The following PAX5 variants were observed in gnomAD, a reference collection of about 807,000 sequenced individuals.
The protein encoded by PAX5 is paired box protein Pax-5.
Under a neutral mutation model 43.7 loss-of-function variants are expected in PAX5, and 9 were observed. The ratio of observed to expected loss-of-function variants is 0.21; its 90% CI spans 0.12 to 0.36. The LOEUF is 0.36. Among genes scored for constraint, PAX5 ranks in the 10% least tolerant of loss-of-function variants. The probability of loss-of-function intolerance (pLI) is 1.00; values close to 1 mark genes in which losing one functional copy is unlikely to be tolerated. For missense variants in PAX5, 383 were observed against 532.7 expected, an observed-to-expected ratio of 0.72 and a Z score of 2.77; for synonymous variants, 228 against 214.3, an observed-to-expected ratio of 1.06 and a Z score of -0.56.
At chr9:36,997,824 C>A (rs1027752586) in intron 5 of PAX5, among the ~76,000 whole-genome samples, 17 of 152,336 alleles carry the variant, frequency 1.1e-4, no homozygotes, top group African/African-American at 3.8e-4. Flanking sequence ...TGATTTGTGG[C>A]CCCTGCCCTG....
In PAX5 at chr9:36,987,593, C is replaced by T. The variant is rs564346974; in HGVS notation, c.604+15055G>A. ...TGCCAAGCCAGGACTCCAAGCCCCG[C>T]CTTGAAGGCCTTGAACGAGATGGCT... is the stretch of plus-strand genomic sequence containing the variant. On this transcript the variant is annotated intron_variant, in intron 5 of 9. Coordinates refer to ENST00000358127, the MANE Select transcript of PAX5 (RefSeq NM_016734.3). 2.2e-4 allele frequency among the ~76,000 whole-genome samples: 33 copies of T among 152,316 alleles called. 1 individual carries two copies. In the South Asian group the frequency reaches 6.6e-3, roughly 31 times the overall value.
At chr9:36,970,674 G>A (rs1044144652) in intron 5 of PAX5, among the ~76,000 whole-genome samples, 6 of 152,110 alleles carry the variant, frequency 3.9e-5, no homozygotes, top group Admixed American at 6.5e-5. Flanking sequence ...CTGTTCAGCC[G>A]CAGGTGATTC....
chr9:36,991,733 T>C (rs1836960702), intron 5 of PAX5, among the ~76,000 whole-genome samples: 1 of 152,134 alleles, frequency 6.6e-6, no homozygotes, highest in Non-Finnish European at 1.5e-5. Flanking sequence ...GGACAGCAAC[T>C]AAGCTGTCCT....
intron 6 of PAX5, among the ~76,000 whole-genome samples, chr9:36,929,235 G>GAGGAAGGAAGGAAGGAAGGA (rs56223123): frequency 2.2e-5 from 3 of 134,354 alleles, no homozygotes; most frequent in African/African-American, 8.5e-5. Context: ...AGGAAGGAAG[G>GAGGAAGGAAGGAAGGAAGGA]AGGAAGGAAG....
At chr9:36,925,513 C>T (rs972574480) in intron 6 of PAX5, among the ~76,000 whole-genome samples, 5 of 151,956 alleles carry the variant, frequency 3.3e-5, no homozygotes, top group African/African-American at 9.7e-5. Context: ...CATATGGAAC[C>T]GTGATATATG....
chr9:36,905,714 G>C (rs934181695), intron 7 of PAX5, among the ~76,000 whole-genome samples: 1 of 152,038 alleles, frequency 6.6e-6, no homozygotes. Flanking sequence ...GGATAGGAGA[G>C]GGAAAAAAAA....
In PAX5 at chr9:36,966,702, C is replaced by G; in HGVS notation, c.627G>C (p.Pro209=). 2 of 1,614,136 alleles carry G rather than the reference C, an allele frequency of 1.2e-6. No individual in the cohort carries two copies. Among genetic ancestry groups the G allele is most frequent in the Non-Finnish European group, 1.7e-6 (2 of 1,180,010 alleles). The change falls in exon 6 of 10, where the codon CCG becomes CCC. Residue 209 remains proline, a synonymous_variant. Transcript: ENST00000358127. ...RDEGIQESPV[P]NGHSLPGRDF... is the part of the protein sequence containing the mutation. ...CTCTGCCCGGAAGCGAGTGGCCGTT[C>G]GGCACCGGAGACTCCTGAATACCTT...
chr9:37,029,156 C>T (rs1355465006), intron 1 of PAX5, among the ~76,000 whole-genome samples: 2 of 152,252 alleles, frequency 1.3e-5, no homozygotes, highest in Non-Finnish European at 2.9e-5. Flanking sequence ...GAGATGCCTG[C>T]TCCAGGACTG....
chr9:36,955,803 ACC>A lies in PAX5; in HGVS notation c.780+10744_780+10745del, dbSNP rs1481473972. On this transcript the variant is annotated intron_variant, in intron 6 of 9. Coordinates refer to ENST00000358127, the MANE Select transcript of PAX5 (RefSeq NM_016734.3). ...AAAAAATATATATATATATATATAT[ACC>A]CACACACACATATATATATAATGCT... Among the ~76,000 whole-genome samples the A allele has an allele frequency of 8.2e-3, 977 of 118,814 alleles. 15 individuals are homozygous for A. Among genetic ancestry groups the A allele is most frequent in the African/African-American group, 0.033 (924 of 28,418 alleles). The allele number at this position is 118,814 out of a possible 152,430, so 77.9% of individuals were successfully genotyped here. A position where few individuals can be genotyped will look rare whatever the true frequency, so the allele number is the denominator to read the frequency against.
intron 7 of PAX5, among the ~76,000 whole-genome samples, chr9:36,920,803 CTTTTTTTTTTTTTTT>C (rs58220286): frequency 1.1e-5 from 1 of 91,226 alleles, no homozygotes; most frequent in Non-Finnish European, 2.2e-5. Flanking sequence ...ATAGACATAG[CTTTTTTTTTTTTTTT>C]TTTTTTTTTT....
rs1308622585 is a variant in PAX5 at position 37,015,216 on chromosome 9, G to T, written c.213-22C>A. 6.2e-7 allele frequency: 1 copy of T among 1,606,144 alleles called. No individual in the cohort carries two copies. Among genetic ancestry groups the T allele is most frequent in the East Asian group, 2.2e-5 (1 of 44,848 alleles). On this transcript the variant is annotated intron_variant, in intron 2 of 9. Transcript: ENST00000358127. The surrounding 1 kb of genome is among the most constrained non-coding windows in gnomAD (Gnocchi z 4.4). The stretch of plus-strand genomic sequence containing the variant: ...ATACCTAGGACCCAAAGAGAAAGAA[G>T]CTTAGCCATGAGGAACCAGTAAAGT...
intron 8 of PAX5, among the ~76,000 whole-genome samples, chr9:36,877,199 G>A (rs1825996190): frequency 6.6e-6 from 1 of 152,146 alleles, no homozygotes; most frequent in Non-Finnish European, 1.5e-5. Flanking sequence ...AGGTGGCATG[G>A]TGGCAGGTGC....
chr9:36,870,195 C>G (rs918615551), intron 8 of PAX5, among the ~76,000 whole-genome samples: 1 of 152,052 alleles, frequency 6.6e-6, no homozygotes, highest in African/African-American at 2.4e-5. Flanking sequence ...GCAACCTGAT[C>G]AGCTCAAGGC....
At chr9:37,010,985 G>A (rs1159952189) in intron 3 of PAX5, among the ~76,000 whole-genome samples, 1 of 152,078 alleles carries the variant, frequency 6.6e-6, no homozygotes, top group African/African-American at 2.4e-5. Flanking sequence ...AGCCAGGCAT[G>A]GTGGTGGCAC....
At chr9:36,941,647 C>T (rs1225832066) in intron 6 of PAX5, among the ~76,000 whole-genome samples, 1 of 152,228 alleles carries the variant, frequency 6.6e-6, no homozygotes, top group East Asian at 1.9e-4. Context: ...GACTCCCCCT[C>T]TTTGCCTGGG....
At chr9:36,910,032 A>G (rs192055644) in intron 7 of PAX5, among the ~76,000 whole-genome samples, 2 of 152,160 alleles carry the variant, frequency 1.3e-5, no homozygotes, top group East Asian at 3.9e-4. Context: ...CATGTTGCTC[A>G]GGCTGGTCTT....
At chr9:37,026,456 G>C in intron 1 of PAX5, 2 of 1,204,392 alleles carry the variant, frequency 1.7e-6, no homozygotes, top group Non-Finnish European at 2.2e-6. Flanking sequence ...TCCGGCCTTA[G>C]TACCTGACCC....
In PAX5 at chr9:36,862,803, C is replaced by T. The variant is rs1231610538; in HGVS notation, c.1013-15874G>A. On this transcript the variant is annotated intron_variant, in intron 8 of 9. Transcript: ENST00000358127. Reference sequence around the variant, plus strand: ...TGTATGCTGGGAGCAGGTGGTCCTCCAATGCGGCAGAAACTCAGGCTCATG... The same window carrying T: ...TGTATGCTGGGAGCAGGTGGTCCTCTAATGCGGCAGAAACTCAGGCTCATG... 2.6e-5 allele frequency among the ~76,000 whole-genome samples: 4 copies of T among 152,276 alleles called. No homozygotes were observed. The East Asian group carries it at 5.8e-4, about 22-fold the overall frequency.
chr9:37,021,679 C>T (rs776779867), intron 1 of PAX5, among the ~76,000 whole-genome samples: 20 of 152,166 alleles, frequency 1.3e-4, no homozygotes, highest in Non-Finnish European at 2.2e-4. Context: ...CCTCCTCCAC[C>T]CTTCTCTTAC....
Sources: gnomAD v4.1 joint callset for allele counts (sites outside exome capture counted in the v4.1 genomes callset) on GRCh38, gnomAD v4.1.1 for gene constraint, Gnocchi (gnomAD v3.1) non-coding constraint, MANE v1.5 for transcripts, NCBI Gene and HGNC (gene_info 2026-07-23, HGNC 2026-07-21) for gene names.